Variants in BUB1 observed in about 807,000 individuals in gnomAD.
The protein encoded by BUB1 is BUB1 mitotic checkpoint serine/threonine kinase.
A neutral mutation model predicts 135.2 loss-of-function variants in BUB1; 84 were observed. The ratio of observed to expected loss-of-function variants is 0.62; its 90% CI spans 0.52 to 0.74. The LOEUF (loss-of-function observed/expected upper bound fraction) is 0.74. Ranked by LOEUF, BUB1 falls within the 30% of genes least tolerant of loss-of-function variation. The pLI is 0.00. For synonymous variants in BUB1, 403 were observed against 434.4 expected, an observed-to-expected ratio of 0.93 and a Z score of 0.90; for missense variants, 1,162 against 1,288.3, an observed-to-expected ratio of 0.90 and a Z score of 1.50.
At chr2:110,675,678 A>C (rs1051619524) in intron 1 of BUB1, among the ~76,000 whole-genome samples, 7 of 152,022 alleles carry the variant, frequency 4.6e-5, no homozygotes, top group Non-Finnish European at 7.4e-5. Flanking sequence ...TAGAGATGGA[A>C]TCTTGCTCTG....
chr2:110,671,980 T>C (rs541619105), intron 4 of BUB1, among the ~76,000 whole-genome samples: 4 of 152,352 alleles, frequency 2.6e-5, no homozygotes, highest in Non-Finnish European at 4.4e-5. Context: ...CCCAGCACTT[T>C]GGGAGGCCGA....
intron 4 of BUB1, 151 bp from the exon 5 acceptor site, chr2:110,670,719 G>A (rs944326924): frequency 1.5e-5 from 10 of 656,670 alleles, no homozygotes; most frequent in African/African-American, 1.1e-4. Context: ...GAGTTGCTTC[G>A]AAATTAAAAA....
intron 18 of BUB1, 37 bp downstream of exon 18, chr2:110,650,509 C>G: frequency 1.3e-6 from 2 of 1,592,360 alleles, no homozygotes; most frequent in Non-Finnish European, 1.7e-6. Context: ...TGCTCCTGTC[C>G]TGATTCAAGG....
At chr2:110,669,765 G>C (rs1299744334) in intron 5 of BUB1, among the ~76,000 whole-genome samples, 1 of 152,094 alleles carries the variant, frequency 6.6e-6, no homozygotes, top group African/African-American at 2.4e-5. Flanking sequence ...GTACCCAAAA[G>C]AAATGTAAAA....
chr2:110,653,525 T>C lies in BUB1; in HGVS notation c.1877-2A>G. ...TACACTGTTTTGCTACCACATTTTC[T>C]GAAAGATTCAAAAATTAGAGACAAG... On this transcript the variant is annotated splice_acceptor_variant, in intron 16 of 24. Coordinates refer to ENST00000302759, the MANE Select transcript of BUB1 (RefSeq NM_004336.5). LOFTEE classifies it high-confidence loss of function. 6.2e-7 allele frequency: 1 copy of C among 1,613,368 alleles called. No homozygotes were observed. Among genetic ancestry groups the C allele is most frequent in the Non-Finnish European group, 8.5e-7 (1 of 1,179,426 alleles).
chr2:110,638,729 CTCT>C (rs1559161976), intron 24 of BUB1, among the ~76,000 whole-genome samples: 1 of 152,224 alleles, frequency 6.6e-6, no homozygotes, highest in East Asian at 1.9e-4. Flanking sequence ...TAACTTCCAG[CTCT>C]TCTTCACACT....
At chr2:110,656,933 C>A in intron 15 of BUB1, 103 bp downstream of exon 15, 2 of 694,262 alleles carry the variant, frequency 2.9e-6, no homozygotes, top group Admixed American at 3.0e-5. Context: ...TAGTTTTTAG[C>A]ATAGTTTCAC....
chr2:110,650,472 G>A, intron 18 of BUB1, 74 bp downstream of exon 18: 1 of 1,429,144 alleles, frequency 7.0e-7, no homozygotes, highest in Non-Finnish European at 9.7e-7. Context: ...CCCACTGTGG[G>A]TTTCTTTCAT....
Position 110,637,912 on chromosome 2 carries a change from G to T in BUB1, c.*52C>A, listed in dbSNP as rs1217364119. The T allele has an allele frequency of 4.9e-6, 6 of 1,233,892 alleles. No homozygotes were observed. Among genetic ancestry groups the T allele is most frequent in the African/African-American group, 1.6e-5 (1 of 64,394 alleles). The allele number at this position is 1,233,892 out of a possible 1,614,324, so 76.4% of individuals were successfully genotyped here. A position where few individuals can be genotyped will look rare whatever the true frequency, so the allele number is the denominator to read the frequency against. On this transcript the variant is annotated 3_prime_UTR_variant, in exon 25 of 25. Coordinates refer to ENST00000302759, the MANE Select transcript of BUB1 (RefSeq NM_004336.5). ...AATGAAAAAAAAACAGGTTTAAAGT[G>T]AGCAGATTCATATTTACAGTGTGAT...
intron 19 of BUB1, chr2:110,642,665 G>A (rs1689536310): frequency 6.5e-6 from 1 of 153,050 alleles, no homozygotes; most frequent in Non-Finnish European, 1.5e-5. Context: ...GATTTTGGGG[G>A]GAAGACCACA....
In BUB1 at chr2:110,666,276, TG is replaced by T; in HGVS notation, c.943del (p.Gln315ArgfsTer15). On this transcript the variant is annotated frameshift_variant, in exon 9 of 25. Transcript: ENST00000302759. LOFTEE classifies it high-confidence loss of function. ...ETSHEDLPASQERSEVNPARM... is the reference protein window; with the variant it reads ...ETSHEDLPASXERSEVNPARM... Reference sequence around the variant, plus strand: ...AGCACAACATACCTCGGACCTTTCCTGGGAAGCGGGCAGATCCTCATGGGAT... The same window carrying T: ...AGCACAACATACCTCGGACCTTTCCTGGAAGCGGGCAGATCCTCATGGGAT... 1.4e-6 allele frequency: 2 copies of T among 1,440,078 alleles called. No homozygotes were observed. The highest frequency in any genetic ancestry group is 1.8e-6 in the Non-Finnish European group (2 of 1,089,190). The allele number at this position is 1,440,078 out of a possible 1,614,324, so 89.2% of individuals were successfully genotyped here. A position where few individuals can be genotyped will look rare whatever the true frequency, so the allele number is the denominator to read the frequency against.
chr2:110,674,880 C>G (rs1294478381), intron 1 of BUB1: 1 of 170,652 alleles, frequency 5.9e-6, no homozygotes, highest in Non-Finnish European at 1.3e-5. Context: ...ACTGAGACAC[C>G]TGCCCTTCCA....
chr2:110,668,535 T>C lies in BUB1; in HGVS notation c.568-686A>G, dbSNP rs991413561. Among the ~76,000 whole-genome samples, 6 of 152,256 alleles carry C rather than the reference T, an allele frequency of 3.9e-5. No homozygotes were observed. In the East Asian group the frequency reaches 9.6e-4, roughly 24 times the overall value. ...CACCCTAAGCACACAGGCGTTTCCA[T>C]TGGCTTTTGCTTCAAGGAGGTCCTT... is the stretch of plus-strand genomic sequence containing the variant. On this transcript the variant is annotated intron_variant, in intron 6 of 24. Transcript: ENST00000302759.
chr2:110,664,704 A>G (rs1399969558), intron 9 of BUB1, among the ~76,000 whole-genome samples: 1 of 152,058 alleles, frequency 6.6e-6, no homozygotes, highest in Non-Finnish European at 1.5e-5. Context: ...ACAATTTATT[A>G]ACAATTTCTT....
intron 16 of BUB1, among the ~76,000 whole-genome samples, chr2:110,654,791 C>T (rs892699566): frequency 1.3e-5 from 2 of 152,128 alleles, no homozygotes; most frequent in Non-Finnish European, 2.9e-5. Flanking sequence ...GGTCTATAGG[C>T]TCAGAACCCA....
At position 110,640,103 on chromosome 2, in the gene BUB1, C is replaced by A; in HGVS notation, c.2956-255G>T. On this transcript the variant is annotated intron_variant, in intron 23 of 24. Transcript: ENST00000302759. ...CTCTCAAGTCCTTCATTCTGTCACA[C>A]AGAGGACAAACACAACACTCTAAGC... 3.5e-6 allele frequency: 2 copies of A among 572,626 alleles called. No homozygotes were observed. The highest frequency in any genetic ancestry group is 1.7e-5 in the South Asian group (1 of 58,158). The allele number at this position is 572,626 out of a possible 1,614,324, so 35.5% of individuals were successfully genotyped here.
chr2:110,641,601 C>A (rs375503157), intron 21 of BUB1, 41 bp downstream of exon 21: 21 of 1,594,594 alleles, frequency 1.3e-5, no homozygotes, highest in Non-Finnish European at 1.5e-5. Context: ...GCCAAAAATC[C>A]ATTTTAAATT....
At chr2:110,671,934 C>A (rs923646013) in intron 4 of BUB1, among the ~76,000 whole-genome samples, 3 of 152,078 alleles carry the variant, frequency 2.0e-5, no homozygotes, top group Admixed American at 6.6e-5. Flanking sequence ...GAAATATATT[C>A]ATCACAGGCC....
rs1191263256 is a variant in BUB1 at position 110,674,221 on chromosome 2, G to A, written c.90C>T (p.Tyr30=). The change falls in exon 3 of 25, where the codon TAC becomes TAT. Residue 30 remains tyrosine (Y), a synonymous_variant. Coordinates refer to ENST00000302759, the MANE Select transcript of BUB1 (RefSeq NM_004336.5). ...GAAAATTCTCTTCTACCCACTGTAT[G>A]TATCTAGAAAAATATGGATAATGTT... The part of the protein sequence containing the change: ...GNDPLGEWER[Y]IQWVEENFPE... 4 of 1,609,586 alleles carry A rather than the reference G, an allele frequency of 2.5e-6. No homozygotes were observed. The African/African-American group carries it at 4.0e-5, about 16-fold the overall frequency.
Sources: allele counts gnomAD v4.1 joint callset (sites outside exome capture counted in the v4.1 genomes callset), GRCh38; gene constraint gnomAD v4.1.1; transcripts MANE v1.5; gene names NCBI Gene and HGNC (gene_info 2026-07-23, HGNC 2026-07-21).